The following GTF2IRD2B variants were observed in gnomAD, a reference collection of about 807,000 sequenced individuals.
GTF2IRD2B encodes general transcription factor II-I repeat domain-containing protein 2B.
GTF2IRD2B carries 10 observed loss-of-function variants against 55.6 expected under a neutral mutation model. That is an observed-to-expected ratio of 0.18 (90% confidence interval 0.11 to 0.31). The LOEUF (loss-of-function observed/expected upper bound fraction) is 0.31, where lower values mean the gene tolerates loss of function less well. GTF2IRD2B is among the 10% of genes least tolerant of loss of function. GTF2IRD2B has a pLI of 1.00. For missense variants in GTF2IRD2B, 206 were observed against 802.7 expected (o/e 0.26, Z 8.98); for synonymous variants, 107 against 320.5 (o/e 0.33, Z 7.12).
intron 1 of GTF2IRD2B, among the ~76,000 whole-genome samples, 151 bp downstream of exon 1, chr7:75,092,916 C>A (rs1807297197): frequency 6.6e-6 from 1 of 151,468 alleles, no homozygotes; most frequent in African/African-American, 2.4e-5. Context: ...CGCCCCGAGG[C>A]GAGGCACCCC....
chr7:75,104,745 G>A (rs1460116775), intron 1 of GTF2IRD2B, among the ~76,000 whole-genome samples: 1 of 152,284 alleles, frequency 6.6e-6, no homozygotes, highest in Non-Finnish European at 1.5e-5. Context: ...TTGGTGAGTG[G>A]AATCTAGAAT....
intron 8 of GTF2IRD2B, among the ~76,000 whole-genome samples, chr7:75,131,917 A>G (rs587656281): frequency 1.4e-5 from 2 of 141,576 alleles, no homozygotes; most frequent in East Asian, 2.0e-4. Flanking sequence ...GAAGCATGGG[A>G]TAGTCACATT....
chr7:75,123,849 G>C (rs1808465586), intron 6 of GTF2IRD2B: 1 of 370,050 alleles, frequency 2.7e-6, no homozygotes, highest in Admixed American at 3.7e-5. Flanking sequence ...CTGCACTCCA[G>C]CCTGGGCGAC....
intron 3 of GTF2IRD2B, among the ~76,000 whole-genome samples, chr7:75,117,510 A>C (rs1365737674): frequency 1.3e-5 from 2 of 152,296 alleles, no homozygotes; most frequent in African/African-American, 4.8e-5. Flanking sequence ...AGTGAGTTTT[A>C]GTGACACCCC....
intron 6 of GTF2IRD2B, among the ~76,000 whole-genome samples, chr7:75,124,449 G>T (rs1808489776): frequency 7.2e-6 from 1 of 138,360 alleles, no homozygotes; most frequent in Admixed American, 7.6e-5. Flanking sequence ...CAGGGGTGGG[G>T]GGTGGCACAG....
chr7:75,114,690 C>T (rs1554537531), intron 3 of GTF2IRD2B, among the ~76,000 whole-genome samples: 2 of 151,086 alleles, frequency 1.3e-5, no homozygotes, highest in East Asian at 1.9e-4. Flanking sequence ...ATGTGGTATT[C>T]AGTTTTCTGT....
At chr7:75,126,857 C>T (rs1243571793) in intron 8 of GTF2IRD2B, among the ~76,000 whole-genome samples, 2 of 150,332 alleles carry the variant, frequency 1.3e-5, no homozygotes, top group Non-Finnish European at 3.0e-5. Context: ...ATTAGCTGGG[C>T]ATGGTCGTGT....
At chr7:75,114,201 G>T (rs1335774450) in intron 3 of GTF2IRD2B, among the ~76,000 whole-genome samples, 2 of 151,072 alleles carry the variant, frequency 1.3e-5, no homozygotes, top group African/African-American at 4.9e-5. Context: ...CAAGAAGACA[G>T]ATTAAAAAAT....
intron 3 of GTF2IRD2B, among the ~76,000 whole-genome samples, chr7:75,115,518 G>T (rs587677759): frequency 1.4e-5 from 2 of 143,394 alleles, no homozygotes; most frequent in African/African-American, 5.1e-5. Flanking sequence ...CTGCCTCCTC[G>T]GTTCAAGCCA....
At chr7:75,104,862 T>C (rs1807723773) in intron 1 of GTF2IRD2B, among the ~76,000 whole-genome samples, 1 of 152,292 alleles carries the variant, frequency 6.6e-6, no homozygotes, top group Non-Finnish European at 1.5e-5. Context: ...CTGCTTTTTC[T>C]GACTCCAGCT....
chr7:75,146,822 C>G (rs1554533147), intron 15 of GTF2IRD2B: 5 of 144,508 alleles, frequency 3.5e-5, no homozygotes, highest in African/African-American at 1.0e-4. Flanking sequence ...AAGGATGAGG[C>G]CTGGCACGGT....
intron 8 of GTF2IRD2B, among the ~76,000 whole-genome samples, chr7:75,132,823 T>A (rs1554453140): frequency 1.3e-5 from 2 of 149,218 alleles, no homozygotes; most frequent in Non-Finnish European, 1.5e-5. Context: ...AAAGTACTGG[T>A]ATTGGAGGCA....
intron 1 of GTF2IRD2B, among the ~76,000 whole-genome samples, chr7:75,092,976 G>C (rs1421661296): frequency 6.6e-6 from 1 of 152,254 alleles, no homozygotes; most frequent in Non-Finnish European, 1.5e-5. Context: ...GTGGGGGCGG[G>C]GAAGCCTTGC....
chr7:75,104,816 C>T (rs1807720792), intron 1 of GTF2IRD2B, among the ~76,000 whole-genome samples: 1 of 152,284 alleles, frequency 6.6e-6, no homozygotes, highest in Admixed American at 6.5e-5. Context: ...TTTTGCTACT[C>T]TTCATCTTAG....
At chr7:75,137,675 A>AT (rs1554453651) in intron 11 of GTF2IRD2B, among the ~76,000 whole-genome samples, 1 of 146,098 alleles carries the variant, frequency 6.8e-6, no homozygotes, top group South Asian at 2.1e-4. Flanking sequence ...CTGTAGTCCC[A>AT]GCTATTCGGG....
intron 1 of GTF2IRD2B, among the ~76,000 whole-genome samples, chr7:75,102,483 G>T (rs1212953384): frequency 6.6e-6 from 1 of 151,364 alleles, no homozygotes; most frequent in African/African-American, 2.4e-5. Flanking sequence ...TTCATAAAAG[G>T]TCAGAAGTGA....
At chr7:75,101,961 T>G (rs138774249) in intron 1 of GTF2IRD2B, among the ~76,000 whole-genome samples, 11,798 of 131,174 alleles carry the variant, frequency 0.09, 695 homozygotes, top group South Asian at 0.14. Flanking sequence ...TCTTGAAATA[T>G]ATTCACAGAG....
intron 11 of GTF2IRD2B, among the ~76,000 whole-genome samples, chr7:75,137,511 G>T (rs1372755292): frequency 6.9e-6 from 1 of 144,434 alleles, no homozygotes; most frequent in African/African-American, 2.7e-5. Context: ...AAAAAGTTAG[G>T]CAAGGCACAG....
At chr7:75,105,379 C>T (rs1330339306) in intron 1 of GTF2IRD2B, among the ~76,000 whole-genome samples, 1 of 152,304 alleles carries the variant, frequency 6.6e-6, no homozygotes, top group East Asian at 1.9e-4. Flanking sequence ...TGGCTCACGC[C>T]TGCAATCCCA....
Sources: gnomAD v4.1 joint callset for allele counts (sites outside exome capture counted in the v4.1 genomes callset) on GRCh38, gnomAD v4.1.1 for gene constraint, MANE v1.5 for transcripts, NCBI Gene and HGNC (gene_info 2026-07-23, HGNC 2026-07-21) for gene names.